LTBP2: variants seen among roughly 807,000 people sequenced by gnomAD.
The protein encoded by LTBP2 is latent transforming growth factor beta binding protein 2.
A neutral mutation model predicts 210.6 loss-of-function variants in LTBP2; 103 were observed. The observed-to-expected ratio is 0.49, with a 90% CI of 0.42 to 0.58. The LOEUF is 0.58. LTBP2 is among the 20% of genes least tolerant of loss of function. The pLI is 0.00. For missense variants in LTBP2, 2,313 were observed against 2,494.5 expected, an observed-to-expected ratio of 0.93 and a Z score of 1.55; for synonymous variants, 1,007 against 1,015.0, an observed-to-expected ratio of 0.99 and a Z score of 0.15.
chr14:74,553,747 C>T (rs2087690885), intron 4 of LTBP2, among the ~76,000 whole-genome samples: 1 of 152,078 alleles, frequency 6.6e-6, no homozygotes, highest in Middle Eastern at 3.2e-3. Flanking sequence ...CTTCATTTCC[C>T]AAGAGTGGTG....
chr14:74,514,668 C>T (rs566386325), intron 18 of LTBP2, among the ~76,000 whole-genome samples: 5 of 152,306 alleles, frequency 3.3e-5, no homozygotes, highest in African/African-American at 9.6e-5. Context: ...ATCCCCTGTC[C>T]GTGGGAACCT....
At chr14:74,597,917 C>G (rs558380790) in intron 2 of LTBP2, among the ~76,000 whole-genome samples, 46 of 152,342 alleles carry the variant, frequency 3.0e-4, no homozygotes, top group Non-Finnish European at 6.2e-4. Context: ...AAATCCTACC[C>G]TTGCCCTTAC....
chr14:74,509,302 G>A lies in LTBP2; in HGVS notation c.3339C>T (p.Gly1113=), dbSNP rs200770246. The A allele has an allele frequency of 7.9e-5, 127 of 1,613,554 alleles. No homozygotes were observed. Among genetic ancestry groups the A allele is most frequent in the Middle Eastern group, 3.3e-4 (2 of 6,082 alleles). ...CATCGCAGTCCTTGCAGGAGAAGGA[G>A]CCAGCCGTGTTGGTGCAGACTCCGG... ...CPSGVCTNTA[G]SFSCKDCDGG... The change falls in exon 22 of 36, where the codon GGC becomes GGT. Residue 1113 remains glycine (G), a synonymous_variant. Coordinates refer to ENST00000261978, the MANE Select transcript of LTBP2 (RefSeq NM_000428.3).
intron 19 of LTBP2, among the ~76,000 whole-genome samples, chr14:74,510,690 G>A (rs533124858): frequency 3.1e-4 from 47 of 152,326 alleles, no homozygotes; most frequent in Admixed American, 1.0e-3. Context: ...TGAGGGCCTG[G>A]GAAACGTCTG....
At position 74,498,333 on chromosome 14, in the gene LTBP2, T is replaced by C. The variant is rs1422334625; in HGVS notation, c.*2551A>G. 1 of 190,202 alleles carries C rather than the reference T, an allele frequency of 5.3e-6. No homozygotes were observed. Among genetic ancestry groups the C allele is most frequent in the Non-Finnish European group, 1.1e-5 (1 of 90,638 alleles). 11.8% of individuals were successfully genotyped at this position (190,202 alleles called of 1,614,324 possible). On this transcript the variant is annotated 3_prime_UTR_variant, in exon 36 of 36. Coordinates refer to ENST00000261978, the MANE Select transcript of LTBP2 (RefSeq NM_000428.3). ...CACAAACCACCATTGGTTCTAAGAA[T>C]TTATCCTGCAGATGTAATCCCATAA... is the stretch of plus-strand genomic sequence containing the variant.
At position 74,498,915 on chromosome 14, in the gene LTBP2, G is replaced by T. The variant is rs555938966; in HGVS notation, c.*1969C>A. On this transcript the variant is annotated 3_prime_UTR_variant, in exon 36 of 36. Transcript: ENST00000261978. ...TTTAAGGGTTCCATAGCAATTAATT[G>T]TTTCTAATCTTTAGCTATTACAAAT... is the stretch of plus-strand genomic sequence containing the variant. 2 of 225,866 alleles carry T rather than the reference G, an allele frequency of 8.9e-6. No homozygotes were observed. Among genetic ancestry groups the T allele is most frequent in the South Asian group, 3.7e-4 (2 of 5,474 alleles). The allele number at this position is 225,866 out of a possible 1,614,324, so 14.0% of individuals were successfully genotyped here. A position where few individuals can be genotyped will look rare whatever the true frequency, so the allele number is the denominator to read the frequency against.
intron 3 of LTBP2, among the ~76,000 whole-genome samples, chr14:74,561,269 G>A (rs928473506): frequency 6.6e-6 from 1 of 152,016 alleles, no homozygotes; most frequent in Non-Finnish European, 1.5e-5. Flanking sequence ...AGTGAGCCGA[G>A]ATCACGCCAT....
At chr14:74,539,043 G>A (rs1178057729) in intron 8 of LTBP2, among the ~76,000 whole-genome samples, 1 of 152,236 alleles carries the variant, frequency 6.6e-6, no homozygotes, top group Non-Finnish European at 1.5e-5. Context: ...AGCAGAAGGT[G>A]GGAAAGAATG....
At chr14:74,558,936 C>T (rs2087761311) in intron 3 of LTBP2, among the ~76,000 whole-genome samples, 1 of 152,154 alleles carries the variant, frequency 6.6e-6, no homozygotes, top group South Asian at 2.1e-4. Context: ...TCACTTAGCT[C>T]CCCTGAGCCT....
At chr14:74,567,881 G>A (rs1249232099) in intron 3 of LTBP2, among the ~76,000 whole-genome samples, 1 of 152,138 alleles carries the variant, frequency 6.6e-6, no homozygotes, top group Non-Finnish European at 1.5e-5. Context: ...GGCAGTCTGA[G>A]GCCCCTGGCT....
intron 3 of LTBP2, among the ~76,000 whole-genome samples, chr14:74,575,213 G>A (rs1022225618): frequency 9.2e-5 from 14 of 152,188 alleles, no homozygotes; most frequent in African/African-American, 1.4e-4. Flanking sequence ...AAGGCCAGCC[G>A]TGGCCTGCTC....
At chr14:74,522,979 A>G in intron 15 of LTBP2, 61 bp from the exon 16 acceptor site, 1 of 1,580,602 alleles carries the variant, frequency 6.3e-7, no homozygotes, top group Admixed American at 1.8e-5. Context: ...AAGGCAGTGG[A>G]GCGGGGTGGG....
chr14:74,543,326 C>T (rs888893975), intron 8 of LTBP2, among the ~76,000 whole-genome samples: 6 of 135,142 alleles, frequency 4.4e-5, no homozygotes, highest in Non-Finnish European at 6.1e-5. Context: ...TGCAGTGAGC[C>T]GAGATTGCGC....
chr14:74,555,178 G>T (rs2087713237), intron 4 of LTBP2, among the ~76,000 whole-genome samples: 1 of 152,106 alleles, frequency 6.6e-6, no homozygotes, highest in Admixed American at 6.5e-5. Context: ...TTTGTAGGAG[G>T]GATGAGGTGG....
At chr14:74,526,260 C>T (rs573528758) in intron 13 of LTBP2, 146 bp from the exon 14 acceptor site, 3 of 806,646 alleles carry the variant, frequency 3.7e-6, no homozygotes, top group African/African-American at 1.7e-5. Flanking sequence ...TGAGTTCTTA[C>T]TCTATGCTGG....
intron 2 of LTBP2, among the ~76,000 whole-genome samples, chr14:74,592,407 G>A (rs1400441932): frequency 2.6e-5 from 4 of 152,160 alleles, no homozygotes; most frequent in Non-Finnish European, 4.4e-5. Flanking sequence ...GGTGGCTCAC[G>A]CCTGTAATCC....
intron 2 of LTBP2, among the ~76,000 whole-genome samples, chr14:74,591,918 G>A (rs189733933): frequency 6.6e-6 from 1 of 152,272 alleles, no homozygotes; most frequent in Admixed American, 6.5e-5. Context: ...GAGTTAAAAT[G>A]TTCTTTTTAA....
Position 74,503,522 on chromosome 14 carries a change from G to C in LTBP2, c.4667C>G (p.Pro1556Arg), listed in dbSNP as rs758355867. 1 of 1,613,180 alleles carries C rather than the reference G, an allele frequency of 6.2e-7. No homozygotes were observed. Among genetic ancestry groups the C allele is most frequent in the East Asian group, 2.2e-5 (1 of 44,852 alleles). Residue 1556 changes from proline (P) to arginine (R), a missense_variant, in exon 32 of 36, where the codon CCG (proline) becomes CGG (arginine). By Grantham distance (103) the Pro-to-Arg change is moderately radical. Transcript: ENST00000261978. ...CTGCTGGCTGAGGTCCAGGGTGAGCGGGGGGCTGCAGAAGCAGTGGAAGGA... is the reference window on the plus strand; with the variant it reads ...CTGCTGGCTGAGGTCCAGGGTGAGCCGGGGGCTGCAGAAGCAGTGGAAGGA... The part of the protein sequence containing the change: ...EGSFHCFCSP[P>R]LTLDLSQQRC...
rs116612395 is a variant in LTBP2 at position 74,601,447 on chromosome 14, G to A, written c.565+2188C>T. ...GGGACAAGTGTTTCTCCCCACCGGT[G>A]CCCCTGACCACTGAGGGCCTGACCT... On this transcript the variant is annotated intron_variant, in intron 2 of 35. Coordinates refer to ENST00000261978, the MANE Select transcript of LTBP2 (RefSeq NM_000428.3). 9.2e-3 allele frequency among the ~76,000 whole-genome samples: 1,396 copies of A among 152,276 alleles called. 27 individuals are homozygous for A. The highest frequency in any genetic ancestry group is 0.032 in the African/African-American group (1,340 of 41,544).
Sources: allele counts gnomAD v4.1 joint callset (sites outside exome capture counted in the v4.1 genomes callset), GRCh38; gene constraint gnomAD v4.1.1; transcripts MANE v1.5; gene names NCBI Gene and HGNC (gene_info 2026-07-23, HGNC 2026-07-21).